The following FMR1NB variants were observed in gnomAD, a reference collection of about 807,000 sequenced individuals.
The protein encoded by FMR1NB is FMR1 neighbor protein.
In FMR1NB, 10 loss-of-function variants were observed where a neutral mutation model predicts 16.8. The ratio of observed to expected loss-of-function variants is 0.60; its 90% CI spans 0.37 to 1.01. The LOEUF is 1.01. FMR1NB is among the 50% of genes least tolerant of loss of function. FMR1NB has a pLI of 0.01. For synonymous variants in FMR1NB, 83 were observed against 79.1 expected (o/e 1.05, Z -0.26); for missense variants, 205 against 204.8 (o/e 1.00, Z 0.00).
At chrX:148,011,425 A>G (rs1356232628) in intron 4 of FMR1NB, among the ~76,000 whole-genome samples, 1 of 111,679 alleles carries the variant, frequency 9.0e-6, no homozygotes, top group Non-Finnish European at 1.9e-5. Flanking sequence ...ATATTCATTG[A>G]ATGTTTGCCT....
intron 1 of FMR1NB, among the ~76,000 whole-genome samples, chrX:147,997,486 A>T (rs1557188271): frequency 8.9e-6 from 1 of 112,427 alleles, no homozygotes; most frequent in South Asian, 3.7e-4. Flanking sequence ...TATGTGTAAG[A>T]CCTAAAACCA....
intron 1 of FMR1NB, among the ~76,000 whole-genome samples, chrX:147,989,062 T>C (rs1273197275): frequency 1.8e-5 from 2 of 111,881 alleles, no homozygotes; most frequent in Non-Finnish European, 3.8e-5. Context: ...TTGTGATCAT[T>C]TGGAGGCGAA....
rs2044580201 is a variant in FMR1NB at position 148,003,267 on chromosome X, C to T, written c.344C>T (p.Ser115Phe). The T allele has an allele frequency of 8.3e-7, 1 of 1,210,895 alleles. No homozygotes were observed. Among genetic ancestry groups the T allele is most frequent in the Non-Finnish European group, 1.1e-6 (1 of 894,640 alleles). Reference protein sequence around the residue: ...LPNSENAHGQSLEEDSALEAL... With the variant: ...LPNSENAHGQFLEEDSALEAL... Reference sequence around the variant, plus strand: ...AACAGTGAAAATGCTCATGGCCAATCTCTGGAAGAAGATTCCGCATTGGAA... The same window carrying T: ...AACAGTGAAAATGCTCATGGCCAATTTCTGGAAGAAGATTCCGCATTGGAA... The change falls in exon 2 of 6, where the codon TCT becomes TTT. Residue 115 changes from serine (S) to phenylalanine (F), a missense_variant. By Grantham distance (155) the Ser-to-Phe change is radical. Coordinates refer to ENST00000370467, the MANE Select transcript of FMR1NB (RefSeq NM_152578.3).
At position 147,981,677 on chromosome X, in the gene FMR1NB, C is replaced by A. The variant is rs1284903058; in HGVS notation, c.275C>A (p.Ser92Tyr). The A allele has an allele frequency of 3.3e-5, 33 of 988,443 alleles. No individual in the cohort carries two copies. The highest frequency in any genetic ancestry group is 4.3e-5 in the Non-Finnish European group (33 of 762,758). The allele number at this position is 988,443 out of a possible 1,213,427, so 81.5% of individuals were successfully genotyped here. A position where few individuals can be genotyped will look rare whatever the true frequency, so the allele number is the denominator to read the frequency against. ...VCYYLSYYLC[S>Y]GSSYFVLANG... Reference sequence around the variant, plus strand: ...TACTACCTGTCCTACTACCTGTGCTCCGGTGAGTGCTGGCTCAGGCCAGGC... The same window carrying A: ...TACTACCTGTCCTACTACCTGTGCTACGGTGAGTGCTGGCTCAGGCCAGGC... The change falls in exon 1 of 6, where the codon TCC (serine) becomes TAC (tyrosine). Residue 92 changes from serine to tyrosine, a missense_variant and splice_region_variant. Transcript: ENST00000370467.
In FMR1NB at chrX:148,020,878, T is replaced by C. The variant is rs150034321; in HGVS notation, c.633-3987T>C. ...GTTAGGGGAGGGGTGGCACCAACAT[T>C]CCCTTAGCCACCCTGGCTAGTGTGT... On this transcript the variant is annotated intron_variant, in intron 4 of 5. Coordinates refer to ENST00000370467, the MANE Select transcript of FMR1NB (RefSeq NM_152578.3). 7.0e-3 allele frequency among the ~76,000 whole-genome samples: 781 copies of C among 111,976 alleles called. 7 individuals are homozygous for C. Among genetic ancestry groups the C allele is most frequent in the African/African-American group, 0.025 (756 of 30,818 alleles).
At chrX:147,994,023 C>T (rs2044528910) in intron 1 of FMR1NB, among the ~76,000 whole-genome samples, 1 of 111,296 alleles carries the variant, frequency 9.0e-6, no homozygotes, top group African/African-American at 3.3e-5. Context: ...CTCAATATTA[C>T]CCATAATGGC....
intron 4 of FMR1NB, among the ~76,000 whole-genome samples, chrX:148,013,210 T>C (rs181574698): frequency 8.9e-6 from 1 of 111,942 alleles, no homozygotes; most frequent in East Asian, 2.8e-4. Flanking sequence ...TTGCAAGGAC[T>C]CCAAGGACAG....
At chrX:148,017,500 C>G (rs1483788215) in intron 4 of FMR1NB, among the ~76,000 whole-genome samples, 1 of 109,840 alleles carries the variant, frequency 9.1e-6, no homozygotes, top group Non-Finnish European at 1.9e-5. Flanking sequence ...GCCACTAACT[C>G]TTAGATTTGT....
chrX:148,024,759 G>A (rs1162065518), intron 4 of FMR1NB, 106 bp from the exon 5 acceptor site: 24 of 940,217 alleles, frequency 2.6e-5, no homozygotes, highest in Non-Finnish European at 3.5e-5. Flanking sequence ...AATATCAGGT[G>A]GGAAAGTATA....
At chrX:148,025,510 A>G (rs1487162539) in intron 5 of FMR1NB, among the ~76,000 whole-genome samples, 3 of 111,652 alleles carry the variant, frequency 2.7e-5, no homozygotes, top group Non-Finnish European at 5.7e-5. Flanking sequence ...AGAATCATAC[A>G]CTAGGGACTA....
At chrX:147,998,240 A>G (rs782378079) in intron 1 of FMR1NB, among the ~76,000 whole-genome samples, 17 of 112,409 alleles carry the variant, frequency 1.5e-4, no homozygotes, top group African/African-American at 3.2e-4. Context: ...TAAAGAAAAT[A>G]TGGCACATAT....
intron 3 of FMR1NB, among the ~76,000 whole-genome samples, chrX:148,007,530 T>G (rs782340063): frequency 1.8e-5 from 2 of 111,969 alleles, no homozygotes; most frequent in African/African-American, 6.5e-5. Context: ...GTTCCAGCAG[T>G]TCTTCTGCCT....
chrX:148,008,065 C>T (rs2044605989), intron 3 of FMR1NB: 1 of 111,971 alleles, frequency 8.9e-6, no homozygotes, highest in Non-Finnish European at 1.9e-5. Flanking sequence ...ATTCTTGATT[C>T]CTTGTTTAAT....
chrX:148,003,100 C>T, intron 1 of FMR1NB, 101 bp from the exon 2 acceptor site: 1 of 838,124 alleles, frequency 1.2e-6, no homozygotes, highest in Non-Finnish European at 1.7e-6. Context: ...AGCTATTTGA[C>T]ATTCTATAAT....
At position 147,981,526 on chromosome X, in the gene FMR1NB, C is replaced by T. The variant is rs1557186497; in HGVS notation, c.124C>T (p.His42Tyr). 2 of 1,212,057 alleles carry T rather than the reference C, an allele frequency of 1.7e-6. No homozygotes were observed. Among genetic ancestry groups the T allele is most frequent in the African/African-American group, 1.7e-5 (1 of 57,874 alleles). The part of the protein sequence containing the change: ...AATESNPESS[H>Y]PGYEAAMADR... ...AACTGAGTCGAATCCCGAGAGCAGCCATCCTGGATACGAGGCCGCCATGGC... is the reference window on the plus strand; with the variant it reads ...AACTGAGTCGAATCCCGAGAGCAGCTATCCTGGATACGAGGCCGCCATGGC... The change falls in exon 1 of 6, where the codon CAT becomes TAT. Residue 42 changes from histidine (H) to tyrosine (Y), a missense_variant. Transcript: ENST00000370467.
At chrX:148,006,472 A>AT (rs2044596854) in intron 2 of FMR1NB, among the ~76,000 whole-genome samples, 1 of 112,251 alleles carries the variant, frequency 8.9e-6, no homozygotes, top group Non-Finnish European at 1.9e-5. Flanking sequence ...CTTACCAAAG[A>AT]TTTTTTAACA....
At chrX:148,020,459 A>G (rs1326685881) in intron 4 of FMR1NB, among the ~76,000 whole-genome samples, 2 of 112,078 alleles carry the variant, frequency 1.8e-5, no homozygotes, top group Non-Finnish European at 3.8e-5. Context: ...GCTTTTCTCA[A>G]GCAGGAGTCT....
At chrX:147,996,955 A>G (rs1278874054) in intron 1 of FMR1NB, among the ~76,000 whole-genome samples, 2 of 112,120 alleles carry the variant, frequency 1.8e-5, no homozygotes, top group East Asian at 5.6e-4. Context: ...TAAAGATGCA[A>G]ATTAGAGGCA....
chrX:147,994,901 TTC>T (rs2044534365), intron 1 of FMR1NB, among the ~76,000 whole-genome samples: 1 of 112,519 alleles, frequency 8.9e-6, no homozygotes, highest in African/African-American at 3.2e-5. Flanking sequence ...TTGAATTGTG[TTC>T]CCTCACCAAA....
Sources: allele counts gnomAD v4.1 joint callset (sites outside exome capture counted in the v4.1 genomes callset), GRCh38; gene constraint gnomAD v4.1.1; transcripts MANE v1.5; gene names NCBI Gene and HGNC (gene_info 2026-07-23, HGNC 2026-07-21).